ZNF793: variants seen among roughly 807,000 people sequenced by gnomAD.
The protein encoded by ZNF793 is zinc finger protein 793.
A neutral mutation model predicts 12.4 loss-of-function variants in ZNF793; 5 were observed. The observed-to-expected ratio is 0.40, with a 90% confidence interval of 0.21 to 0.84. The LOEUF is 0.84. Ranked by LOEUF, ZNF793 falls within the 40% of genes least tolerant of loss-of-function variation. The pLI is 0.35. For synonymous variants in ZNF793, 162 were observed against 172.4 expected, an observed-to-expected ratio of 0.94 and a Z score of 0.47; for missense variants, 456 against 495.0, an observed-to-expected ratio of 0.92 and a Z score of 0.75.
In ZNF793 at chr19:37,537,242, A is replaced by C; in HGVS notation, c.584A>C (p.Lys195Thr). ...CCCCGGGGTTGCAGTCACTGTGAGAAAGCTTTCACCCAGAACCCGGCACTT... is the reference window on the plus strand; with the variant it reads ...CCCCGGGGTTGCAGTCACTGTGAGACAGCTTTCACCCAGAACCCGGCACTT... ...EKPRGCSHCE[K>T]AFTQNPALMY... The change falls in exon 8 of 8, where the codon AAA (lysine) becomes ACA (threonine). Residue 195 changes from lysine to threonine, a missense_variant. Lys to Thr is a moderately conservative substitution (Grantham distance 78, BLOSUM62 -1). Transcript: ENST00000627814. 1 of 1,613,912 alleles carries C rather than the reference A, an allele frequency of 6.2e-7. No homozygotes were observed. Among genetic ancestry groups the C allele is most frequent in the Non-Finnish European group, 8.5e-7 (1 of 1,179,880 alleles).
chr19:37,532,440 C>G lies in ZNF793; in HGVS notation c.100C>G (p.Arg34Gly). The change falls in exon 6 of 8, where the codon CGG becomes GGG. Residue 34 changes from arginine (R) to glycine (G), a missense_variant. Coordinates refer to ENST00000627814, the MANE Select transcript of ZNF793 (RefSeq NM_001013659.3). ...GAGTCCTGCTCAGAGGGCCCTGTAC[C>G]GGGATGTGATGCTGGAAACCTATAG... is the stretch of plus-strand genomic sequence containing the variant. The part of the protein sequence containing the change: ...RLSPAQRALY[R>G]DVMLETYSNL... The G allele has an allele frequency of 6.2e-7, 1 of 1,613,148 alleles. No homozygotes were observed. Among genetic ancestry groups the G allele is most frequent in the Non-Finnish European group, 8.5e-7 (1 of 1,179,612 alleles).
At position 37,537,283 on chromosome 19, in the gene ZNF793, G is replaced by A. The variant is rs2042514009; in HGVS notation, c.625G>A (p.Val209Ile). ...CCCGGCACTTATGTATAAACCAGCA[G>A]TAAGTGATTCTCTCTTGTACAAACG... ...QNPALMYKPA[V>I]SDSLLYKRKR... The change falls in exon 8 of 8, where the codon GTA becomes ATA. Residue 209 changes from valine (V) to isoleucine (I), a missense_variant. Transcript: ENST00000627814. The A allele has an allele frequency of 6.2e-7, 1 of 1,613,832 alleles. No individual in the cohort carries two copies. Among genetic ancestry groups the A allele is most frequent in the East Asian group, 2.2e-5 (1 of 44,874 alleles).
intron 7 of ZNF793, chr19:37,534,292 G>C (rs2042485934): frequency 6.6e-6 from 1 of 151,994 alleles, no homozygotes; most frequent in Non-Finnish European, 1.5e-5. Flanking sequence ...TCCTCTCAAA[G>C]AACTCACCCA....
Position 37,537,965 on chromosome 19 carries a change from G to T in ZNF793, c.*86G>T. On this transcript the variant is annotated 3_prime_UTR_variant, in exon 8 of 8. Transcript: ENST00000627814. ...CTCACTTTGTCACCCAGGCTGGAGT[G>T]CAGTGGCGCGATCTCGGCTTACTGC... The T allele has an allele frequency of 7.1e-7, 1 of 1,405,968 alleles. No individual in the cohort carries two copies. Among genetic ancestry groups the T allele is most frequent in the South Asian group, 1.5e-5 (1 of 65,072 alleles). 87.1% of individuals were successfully genotyped at this position (1,405,968 alleles called of 1,614,324 possible). A position where few individuals can be genotyped will look rare whatever the true frequency, so the allele number is the denominator to read the frequency against.
At position 37,536,916 on chromosome 19, in the gene ZNF793, T is replaced by C. The variant is rs780768693; in HGVS notation, c.258T>C (p.Asn86=). ...CTCCAGAAGACATCTGGCGAGTTAATATCCAGAGGAAAAGACGGCAAGACA... is the reference window on the plus strand; with the variant it reads ...CTCCAGAAGACATCTGGCGAGTTAACATCCAGAGGAAAAGACGGCAAGACA... ...CHCWEDIWRV[N]IQRKRRQDML... is the part of the protein sequence containing the mutation. The change falls in exon 8 of 8, where the codon AAT becomes AAC. Residue 86 remains asparagine, a synonymous_variant. Transcript: ENST00000627814. 7 of 1,609,710 alleles carry C rather than the reference T, an allele frequency of 4.3e-6. No homozygotes were observed. The highest frequency in any genetic ancestry group is 2.7e-5 in the African/African-American group (2 of 74,672).
At chr19:37,530,929 T>A (rs2042454946) in intron 5 of ZNF793, among the ~76,000 whole-genome samples, 1 of 152,168 alleles carries the variant, frequency 6.6e-6, no homozygotes, top group Admixed American at 6.5e-5. Context: ...TGTGGATGAA[T>A]GGAACATTTT....
chr19:37,529,050 G>A (rs1304787143), intron 5 of ZNF793, among the ~76,000 whole-genome samples: 1 of 151,752 alleles, frequency 6.6e-6, no homozygotes, highest in South Asian at 2.1e-4. Flanking sequence ...ATCATCACCC[G>A]GTTGCCTTCA....
rs1170608393 is a variant in ZNF793, at chr19:37,539,289, A to G, written c.*1410A>G. 3 of 152,228 alleles carry G rather than the reference A, an allele frequency of 2.0e-5. No homozygotes were observed. The highest frequency in any genetic ancestry group is 4.4e-5 in the Non-Finnish European group (3 of 68,040). 9.4% of individuals were successfully genotyped at this position (152,228 alleles called of 1,614,324 possible). A position where few individuals can be genotyped will look rare whatever the true frequency, so the allele number is the denominator to read the frequency against. ...TCTTGCTTAAAATATCTTGTAGCAAATTAGTAGCATTGCTACACTATTCTA... is the reference window on the plus strand; with the variant it reads ...TCTTGCTTAAAATATCTTGTAGCAAGTTAGTAGCATTGCTACACTATTCTA... On this transcript the variant is annotated 3_prime_UTR_variant, in exon 8 of 8. Coordinates refer to ENST00000627814, the MANE Select transcript of ZNF793 (RefSeq NM_001013659.3).
chr19:37,529,070 G>C (rs1233676182), intron 5 of ZNF793, among the ~76,000 whole-genome samples: 1 of 152,064 alleles, frequency 6.6e-6, no homozygotes, highest in Non-Finnish European at 1.5e-5. Context: ...AAGATACCTG[G>C]GTGTTGCCCT....
chr19:37,534,480 CCA>C (rs1358412831), intron 7 of ZNF793: 2 of 150,142 alleles, frequency 1.3e-5, no homozygotes, highest in African/African-American at 2.5e-5. Context: ...GCTACCCCTG[CCA>C]CACACACACT....
intron 5 of ZNF793, among the ~76,000 whole-genome samples, chr19:37,523,948 G>A (rs2042393926): frequency 6.6e-6 from 1 of 151,982 alleles, no homozygotes; most frequent in Admixed American, 6.6e-5. Flanking sequence ...TCAGGAGTTT[G>A]AGACCAGCCT....
intron 2 of ZNF793, among the ~76,000 whole-genome samples, chr19:37,517,333 G>A (rs35540940): frequency 0.22 from 33,210 of 151,712 alleles, 3,921 homozygotes; most frequent in South Asian, 0.32. Flanking sequence ...GGAGGTGCCT[G>A]TAATCCCAGC....
intron 7 of ZNF793, chr19:37,535,463 A>T (rs2042497443): frequency 6.6e-6 from 1 of 152,192 alleles, no homozygotes; most frequent in Non-Finnish European, 1.5e-5. Context: ...CGTTCATAAG[A>T]TTATAAAATA....
chr19:37,511,818 A>T (rs1216176580), intron 2 of ZNF793, among the ~76,000 whole-genome samples: 2 of 152,178 alleles, frequency 1.3e-5, no homozygotes, highest in African/African-American at 2.4e-5. Flanking sequence ...GGTCCCATTA[A>T]TGAAGCTAAC....
upstream of ZNF793, chr19:37,506,519 G>A (rs1467276881): frequency 6.6e-6 from 1 of 152,172 alleles, no homozygotes; most frequent in Admixed American, 6.5e-5. Context: ...CCATAGGGGA[G>A]CTCCTAGGAG....
chr19:37,525,141 T>C (rs1173169724), intron 5 of ZNF793, among the ~76,000 whole-genome samples: 2 of 141,518 alleles, frequency 1.4e-5, no homozygotes, highest in Non-Finnish European at 3.1e-5. Flanking sequence ...GTTTTCTCTC[T>C]TTTTTTTTTT....
chr19:37,529,386 C>G (rs1371041469), intron 5 of ZNF793, among the ~76,000 whole-genome samples: 4 of 152,266 alleles, frequency 2.6e-5, no homozygotes, highest in African/African-American at 9.6e-5. Flanking sequence ...ACCCACCACA[C>G]TTCTCTTTCC....
At chr19:37,533,435 T>C (rs1472138200) in intron 7 of ZNF793, 32 bp downstream of exon 7, 2 of 1,584,232 alleles carry the variant, frequency 1.3e-6, no homozygotes, top group African/African-American at 2.7e-5. Context: ...AAAGGGGTAC[T>C]GAAGGAGGCT....
In ZNF793 at chr19:37,541,167, A is replaced by C. The variant is rs2042549501; in HGVS notation, c.*3288A>C. On this transcript the variant is annotated 3_prime_UTR_variant, in exon 8 of 8. Coordinates refer to ENST00000627814, the MANE Select transcript of ZNF793 (RefSeq NM_001013659.3). ...GAAATCTGAAACCACAGGGGAAAAGAGTAGTTTACTTAAAAAGAATTCTGG... is the reference window on the plus strand; with the variant it reads ...GAAATCTGAAACCACAGGGGAAAAGCGTAGTTTACTTAAAAAGAATTCTGG... The C allele has an allele frequency of 7.2e-6, 1 of 139,840 alleles. No individual in the cohort carries two copies. Among genetic ancestry groups the C allele is most frequent in the African/African-American group, 2.7e-5 (1 of 37,080 alleles). 8.7% of individuals were successfully genotyped at this position (139,840 alleles called of 1,614,324 possible). A position where few individuals can be genotyped will look rare whatever the true frequency, so the allele number is the denominator to read the frequency against.
Sources: allele counts gnomAD v4.1 joint callset (sites outside exome capture counted in the v4.1 genomes callset), GRCh38; gene constraint gnomAD v4.1.1; transcripts MANE v1.5; gene names NCBI Gene and HGNC (gene_info 2026-07-23, HGNC 2026-07-21).